AKAP6: variants seen among roughly 807,000 people sequenced by gnomAD.
AKAP6 encodes the protein A-kinase anchor protein 6.
A neutral mutation model predicts 188.5 loss-of-function variants in AKAP6; 58 were observed. That is an observed-to-expected ratio of 0.31 (90% CI 0.25 to 0.38). AKAP6 has a LOEUF of 0.38. AKAP6 is among the 10% of genes least tolerant of loss of function. The probability of loss-of-function intolerance (pLI) is 1.00; values close to 1 mark genes in which losing one functional copy is unlikely to be tolerated. For synonymous variants in AKAP6, 989 were observed against 998.6 expected (o/e 0.99, Z 0.18); for missense variants, 2,710 against 2,740.0 (o/e 0.99, Z 0.24).
intron 7 of AKAP6, among the ~76,000 whole-genome samples, chr14:32,673,395 C>T (rs1265913558): frequency 6.6e-6 from 1 of 152,202 alleles, no homozygotes; most frequent in Non-Finnish European, 1.5e-5. Context: ...GTTCTTGGTA[C>T]AGTTCTTGAG....
intron 5 of AKAP6, among the ~76,000 whole-genome samples, chr14:32,596,822 C>T (rs553009120): frequency 6.6e-6 from 1 of 152,294 alleles, no homozygotes; most frequent in South Asian, 2.1e-4. Flanking sequence ...AAGCTTCCTT[C>T]CCTTGGGAAA....
chr14:32,656,362 C>T (rs536224116), intron 7 of AKAP6, among the ~76,000 whole-genome samples: 1 of 152,256 alleles, frequency 6.6e-6, no homozygotes, highest in East Asian at 1.9e-4. Flanking sequence ...AGATTAGGTA[C>T]AGAGTATTTT....
intron 1 of AKAP6, among the ~76,000 whole-genome samples, chr14:32,417,345 C>T (rs1038620874): frequency 6.6e-6 from 1 of 151,992 alleles, no homozygotes; most frequent in Non-Finnish European, 1.5e-5. Context: ...TCTTGTTATG[C>T]GATCCCTATG....
Position 32,823,708 on chromosome 14 carries a change from A to C in AKAP6, c.5895A>C (p.Pro1965=), listed in dbSNP as rs2239648. The change falls in exon 13 of 14, where the codon CCA becomes CCC. Residue 1965 remains proline (P), a synonymous_variant. Transcript: ENST00000280979. ...QDVRHLPKKC[P]NHHHFENQST... is the part of the protein sequence containing the mutation. ...TTAGACATCTTCCAAAGAAATGTCC[A>C]AATCACCACCATTTTGAAAATCAAA... 208,846 of 1,613,558 alleles carry C rather than the reference A, an allele frequency of 0.13. 19,367 individuals are homozygous for C. The highest frequency in any genetic ancestry group is 0.44 in the African/African-American group (33,066 of 74,880).
At chr14:32,443,260 G>C (rs11628508) in intron 2 of AKAP6, among the ~76,000 whole-genome samples, 57,001 of 151,818 alleles carry the variant, frequency 0.38, 15,174 homozygotes, top group African/African-American at 0.76. Context: ...TGGGCGTGGT[G>C]GTGGGCGCCT....
chr14:32,534,242 T>C (rs1882566200), intron 2 of AKAP6, among the ~76,000 whole-genome samples: 1 of 152,182 alleles, frequency 6.6e-6, no homozygotes, highest in Non-Finnish European at 1.5e-5. Context: ...AGAACTCAAA[T>C]GCTATCTTCA....
At chr14:32,809,792 G>A (rs1163268264) in intron 12 of AKAP6, among the ~76,000 whole-genome samples, 2 of 152,122 alleles carry the variant, frequency 1.3e-5, no homozygotes, top group African/African-American at 2.4e-5. Context: ...AGGGATCTCC[G>A]TTTATCCAAG....
At chr14:32,437,667 G>C (rs970458543) in intron 2 of AKAP6, among the ~76,000 whole-genome samples, 1 of 151,918 alleles carries the variant, frequency 6.6e-6, no homozygotes, top group Non-Finnish European at 1.5e-5. Context: ...CGCAATCTGG[G>C]CTCACTGCAA....
chr14:32,695,599 C>G (rs1221801466), intron 8 of AKAP6, among the ~76,000 whole-genome samples: 1 of 151,888 alleles, frequency 6.6e-6, no homozygotes, highest in Non-Finnish European at 1.5e-5. Context: ...CTGTTCTTAC[C>G]CAAAATTCAG....
intron 7 of AKAP6, among the ~76,000 whole-genome samples, chr14:32,625,387 C>A (rs1183906305): frequency 6.6e-6 from 1 of 152,094 alleles, no homozygotes; most frequent in Non-Finnish European, 1.5e-5. Flanking sequence ...TAAATATACT[C>A]ATGCTCACCC....
At chr14:32,583,021 G>A (rs1885052161) in intron 5 of AKAP6, among the ~76,000 whole-genome samples, 1 of 152,196 alleles carries the variant, frequency 6.6e-6, no homozygotes, top group Non-Finnish European at 1.5e-5. Flanking sequence ...GCTTTATTCT[G>A]TTGCTGGTGA....
At chr14:32,448,488 C>T (rs1890831267) in intron 2 of AKAP6, among the ~76,000 whole-genome samples, 1 of 152,176 alleles carries the variant, frequency 6.6e-6, no homozygotes, top group Admixed American at 6.5e-5. Context: ...AAAATAATAT[C>T]TGGCCCTCTA....
intron 2 of AKAP6, among the ~76,000 whole-genome samples, chr14:32,514,611 G>A (rs7140396): frequency 0.26 from 40,159 of 152,050 alleles, 5,639 homozygotes; most frequent in East Asian, 0.35. Context: ...ACCTTGAAAC[G>A]CTCCAGAATT....
At chr14:32,760,558 T>C (rs994271521) in intron 11 of AKAP6, among the ~76,000 whole-genome samples, 25 of 152,354 alleles carry the variant, frequency 1.6e-4, no homozygotes, top group African/African-American at 6.0e-4. Flanking sequence ...TGACTTGTGT[T>C]CTGTCTTGCT....
intron 12 of AKAP6, among the ~76,000 whole-genome samples, chr14:32,775,124 G>A (rs948122818): frequency 6.6e-6 from 1 of 152,120 alleles, no homozygotes; most frequent in African/African-American, 2.4e-5. Flanking sequence ...ATAATTAGAT[G>A]TCTTTTCTTG....
At chr14:32,738,101 A>G (rs558929714) in intron 11 of AKAP6, among the ~76,000 whole-genome samples, 2 of 152,238 alleles carry the variant, frequency 1.3e-5, no homozygotes, top group South Asian at 2.1e-4. Flanking sequence ...TTATCAAGGA[A>G]TGAACACACT....
At chr14:32,636,138 C>A (rs1887476920) in intron 7 of AKAP6, among the ~76,000 whole-genome samples, 1 of 152,064 alleles carries the variant, frequency 6.6e-6, no homozygotes, top group Non-Finnish European at 1.5e-5. Flanking sequence ...AACCAAAAAT[C>A]TATACCTTTA....
intron 11 of AKAP6, among the ~76,000 whole-genome samples, chr14:32,759,417 A>T (rs1292524934): frequency 6.6e-6 from 1 of 151,292 alleles, no homozygotes; most frequent in Non-Finnish European, 1.5e-5. Flanking sequence ...TGATTGGGAG[A>T]AATGACTTTT....
chr14:32,515,820 G>A (rs79618652), intron 2 of AKAP6, among the ~76,000 whole-genome samples: 1,748 of 152,268 alleles, frequency 0.011, 45 homozygotes, highest in African/African-American at 0.039. Flanking sequence ...TATGTATTAA[G>A]ACTTCATTTA....
Sources: allele counts gnomAD v4.1 joint callset (sites outside exome capture counted in the v4.1 genomes callset), GRCh38; gene constraint gnomAD v4.1.1; transcripts MANE v1.5; gene names NCBI Gene and HGNC (gene_info 2026-07-23, HGNC 2026-07-21).